The following MYCBP2 variants were observed in gnomAD, a reference collection of about 807,000 sequenced individuals.
MYCBP2 encodes E3 ubiquitin-protein ligase MYCBP2.
In MYCBP2, 120 loss-of-function variants were observed where a neutral mutation model predicts 525.3. The observed-to-expected ratio is 0.23, with a 90% CI of 0.20 to 0.27. The LOEUF (loss-of-function observed/expected upper bound fraction) is 0.27, where lower values mean the gene tolerates loss of function less well. Ranked by LOEUF, MYCBP2 falls within the 10% of genes least tolerant of loss-of-function variation. The pLI, the probability that MYCBP2 is intolerant of heterozygous loss-of-function variation, is 1.00. For missense variants in MYCBP2, 4,149 were observed against 5,657.1 expected (o/e 0.73, Z 8.55); for synonymous variants, 1,894 against 1,955.8 (o/e 0.97, Z 0.83).
chr13:77,177,411 G>C (rs1274122310), intron 35 of MYCBP2, among the ~76,000 whole-genome samples: 1 of 142,854 alleles, frequency 7.0e-6, no homozygotes. Context: ...GCATGATTAT[G>C]GCTCACTGCA....
At chr13:77,188,637 A>T (rs2060989529) in intron 30 of MYCBP2, among the ~76,000 whole-genome samples, 1 of 152,090 alleles carries the variant, frequency 6.6e-6, no homozygotes, top group Non-Finnish European at 1.5e-5. Flanking sequence ...ACCATCCTTA[A>T]CTTTTCCTTC....
chr13:77,055,585 T>C lies in MYCBP2; in HGVS notation c.13620A>G (p.Ala4540=). 6.2e-7 allele frequency: 1 copy of C among 1,614,016 alleles called. No homozygotes were observed. Among genetic ancestry groups the C allele is most frequent in the Middle Eastern group, 1.7e-4 (1 of 6,060 alleles). The change falls in exon 80 of 83, where the codon GCA becomes GCG. Residue 4540 remains alanine (A), a synonymous_variant. Coordinates refer to ENST00000544440, the MANE Select transcript of MYCBP2 (RefSeq NM_015057.5). The part of the protein sequence containing the change: ...DPAGYAMNRY[A]YYVCYKCRKA... ...TTCTGCATTTGTAGCACACATAATATGCATATCTATTCATTGCATAGCCAG... is the reference window on the plus strand; with the variant it reads ...TTCTGCATTTGTAGCACACATAATACGCATATCTATTCATTGCATAGCCAG...
At chr13:77,227,552 G>A (rs1017614269) in intron 18 of MYCBP2, among the ~76,000 whole-genome samples, 5 of 150,174 alleles carry the variant, frequency 3.3e-5, no homozygotes, top group Non-Finnish European at 7.4e-5. Context: ...TTAATAAGAC[G>A]CCAGATGTAA....
intron 20 of MYCBP2, among the ~76,000 whole-genome samples, chr13:77,223,891 T>C (rs780080162): frequency 1.3e-5 from 2 of 151,558 alleles, no homozygotes; most frequent in Non-Finnish European, 2.9e-5. Flanking sequence ...TGCACGATCA[T>C]GTCACGAACT....
intron 26 of MYCBP2, among the ~76,000 whole-genome samples, chr13:77,198,700 G>T (rs554969237): frequency 6.6e-6 from 1 of 152,286 alleles, no homozygotes; most frequent in South Asian, 2.1e-4. Flanking sequence ...GACTCTCAAT[G>T]ATTTTTAGTT....
intron 5 of MYCBP2, among the ~76,000 whole-genome samples, chr13:77,271,872 A>G (rs1434104945): frequency 6.6e-6 from 1 of 152,154 alleles, no homozygotes; most frequent in African/African-American, 2.4e-5. Flanking sequence ...CCCTCTACCA[A>G]CAGTCAGGCC....
At chr13:77,066,141 A>T in intron 71 of MYCBP2, 53 bp from the exon 72 acceptor site, 1 of 1,221,580 alleles carries the variant, frequency 8.2e-7, no homozygotes, top group Non-Finnish European at 1.2e-6. Context: ...TAGTAGTAAC[A>T]AATGAAAAAG....
At chr13:77,233,840 TATAG>T (rs1168823745) in intron 17 of MYCBP2, among the ~76,000 whole-genome samples, 2 of 151,192 alleles carry the variant, frequency 1.3e-5, no homozygotes, top group Non-Finnish European at 3.0e-5. Context: ...ATATTCTGCA[TATAG>T]ATATATGTAT....
intron 17 of MYCBP2, among the ~76,000 whole-genome samples, chr13:77,241,194 A>T: frequency 6.6e-6 from 1 of 152,224 alleles, no homozygotes; most frequent in South Asian, 2.1e-4. Context: ...TGGCAAAAGA[A>T]TATTCTGCAA....
At chr13:77,310,549 G>A (rs1056754759) in intron 1 of MYCBP2, among the ~76,000 whole-genome samples, 1 of 151,680 alleles carries the variant, frequency 6.6e-6, no homozygotes, top group Non-Finnish European at 1.5e-5. Context: ...TTTACTATCT[G>A]GTCATATAAA....
intron 5 of MYCBP2, among the ~76,000 whole-genome samples, chr13:77,273,150 A>T (rs1213189854): frequency 2.0e-5 from 3 of 152,188 alleles, no homozygotes; most frequent in African/African-American, 7.2e-5. Context: ...ATTCCATACT[A>T]AAAAACTCAG....
chr13:77,239,549 T>C (rs936858803), intron 17 of MYCBP2, among the ~76,000 whole-genome samples: 2 of 152,190 alleles, frequency 1.3e-5, no homozygotes, highest in Non-Finnish European at 2.9e-5. Flanking sequence ...CAGAAGGTCA[T>C]TGGATCAAAC....
intron 27 of MYCBP2, among the ~76,000 whole-genome samples, chr13:77,192,406 C>A (rs1489735918): frequency 6.6e-6 from 1 of 152,058 alleles, no homozygotes; most frequent in Non-Finnish European, 1.5e-5. Context: ...AATATCTATA[C>A]AAACATTATT....
At chr13:77,285,865 AAAGGAAAGGAAAGG>A (rs2076688560) in intron 3 of MYCBP2, among the ~76,000 whole-genome samples, 1 of 17,618 alleles carries the variant, frequency 5.7e-5, no homozygotes, top group Admixed American at 1.5e-3. Context: ...AAGGGAAAGG[AAAGGAAAGGAAAGG>A]AAAGGAAAGG....
intron 17 of MYCBP2, among the ~76,000 whole-genome samples, chr13:77,239,700 G>C (rs978713121): frequency 6.6e-6 from 1 of 152,198 alleles, no homozygotes; most frequent in Non-Finnish European, 1.5e-5. Flanking sequence ...AGTGGGGCCT[G>C]AGAACTGGTA....
intron 55 of MYCBP2, among the ~76,000 whole-genome samples, chr13:77,102,437 T>TA: frequency 6.6e-6 from 1 of 151,792 alleles, no homozygotes; most frequent in Middle Eastern, 4.6e-3. Context: ...GGCATTGCTG[T>TA]AAAAGTTCTT....
At chr13:77,221,706 C>T (rs1272778889) in intron 20 of MYCBP2, among the ~76,000 whole-genome samples, 2 of 152,098 alleles carry the variant, frequency 1.3e-5, no homozygotes, top group African/African-American at 2.4e-5. Flanking sequence ...ACAATAGCCA[C>T]GATGATACAA....
chr13:77,140,030 G>C lies in MYCBP2; in HGVS notation c.7518+17C>G, dbSNP rs763743448. 6.5e-7 allele frequency: 1 copy of C among 1,536,796 alleles called. No homozygotes were observed. On this transcript the variant is annotated intron_variant, in intron 51 of 82. Transcript: ENST00000544440. ...TTCTGTCCAAAATTTACTACCAAAA[G>C]CTCCTTTATCAATTACCTCATCAAT...
intron 3 of MYCBP2, among the ~76,000 whole-genome samples, chr13:77,282,159 C>T (rs2076257070): frequency 6.6e-6 from 1 of 151,916 alleles, no homozygotes; most frequent in South Asian, 2.1e-4. Flanking sequence ...ACCTATAATC[C>T]CAGCACTTTG....
Sources: gnomAD v4.1 joint callset for allele counts (sites outside exome capture counted in the v4.1 genomes callset) on GRCh38, gnomAD v4.1.1 for gene constraint, MANE v1.5 for transcripts, NCBI Gene and HGNC (gene_info 2026-07-23, HGNC 2026-07-21) for gene names.